The following DGKB variants were observed in gnomAD, a reference collection of about 807,000 sequenced individuals.
DGKB encodes 90 kDa diacylglycerol kinase.
Under a neutral mutation model 114.3 loss-of-function variants are expected in DGKB, and 67 were observed. The ratio of observed to expected loss-of-function variants is 0.59; its 90% confidence interval spans 0.48 to 0.72. The LOEUF (loss-of-function observed/expected upper bound fraction) is 0.72, where lower values mean the gene tolerates loss of function less well. Among genes scored for constraint, DGKB ranks in the 30% least tolerant of loss-of-function variants. The pLI, the probability that DGKB is intolerant of heterozygous loss-of-function variation, is 0.00. For synonymous variants in DGKB, 398 were observed against 323.1 expected (o/e 1.23, Z -2.49); for missense variants, 907 against 975.2 (o/e 0.93, Z 0.93).
intron 1 of DGKB, among the ~76,000 whole-genome samples, chr7:14,919,095 A>AAACACACACACACACACAC (rs1784392701): frequency 1.8e-4 from 21 of 114,968 alleles, no homozygotes; most frequent in African/African-American, 6.8e-4. Flanking sequence ...CACACACACA[A>AAACACACACACACACACAC]ACACACACAC....
intron 2 of DGKB, among the ~76,000 whole-genome samples, chr7:14,775,237 C>G (rs1002152599): frequency 2.0e-5 from 3 of 151,484 alleles, no homozygotes; most frequent in African/African-American, 7.3e-5. Flanking sequence ...TTCATACTAT[C>G]AACAGTATTG....
Position 14,299,880 on chromosome 7 carries a change from A to T in DGKB, c.2122+38635T>A, listed in dbSNP as rs542746355. The stretch of plus-strand genomic sequence containing the variant: ...GGTATTATTTCTCTGAAAGTTATTC[A>T]GCAAAAAAAAACCTTTAAAGTAAAG... On this transcript the variant is annotated intron_variant, in intron 23 of 25. Coordinates refer to ENST00000402815, the MANE Select transcript of DGKB (RefSeq NM_001350709.2). 2.0e-5 allele frequency among the ~76,000 whole-genome samples: 3 copies of T among 151,954 alleles called. No individual in the cohort carries two copies. The South Asian group carries it at 6.2e-4, about 32-fold the overall frequency.
At chr7:14,747,030 A>C (rs552563177) in intron 4 of DGKB, among the ~76,000 whole-genome samples, 1 of 152,256 alleles carries the variant, frequency 6.6e-6, no homozygotes, top group Admixed American at 6.5e-5. Flanking sequence ...TTCTTAAATT[A>C]TTTCTACAAG....
intron 4 of DGKB, among the ~76,000 whole-genome samples, chr7:14,742,796 G>A (rs1465075036): frequency 6.6e-6 from 1 of 152,162 alleles, no homozygotes; most frequent in South Asian, 2.1e-4. Context: ...AGATTGACAT[G>A]CAAGGTGTGT....
intron 23 of DGKB, among the ~76,000 whole-genome samples, chr7:14,180,771 A>T (rs1782520591): frequency 1.3e-5 from 2 of 152,152 alleles, no homozygotes; most frequent in South Asian, 4.1e-4. Context: ...TTGATTTCAG[A>T]CAGAGAGAGT....
At chr7:14,689,911 A>C (rs1244205483) in intron 9 of DGKB, among the ~76,000 whole-genome samples, 5 of 152,200 alleles carry the variant, frequency 3.3e-5, no homozygotes, top group Non-Finnish European at 7.4e-5. Context: ...AATGTGTCTT[A>C]AACAATCTCA....
At chr7:14,683,629 G>A (rs1003469262) in intron 10 of DGKB, among the ~76,000 whole-genome samples, 1 of 151,880 alleles carries the variant, frequency 6.6e-6, no homozygotes, top group Non-Finnish European at 1.5e-5. Context: ...TCCAGATTAA[G>A]GGTTCTAAAT....
chr7:14,618,362 T>C (rs1225633881), intron 15 of DGKB, among the ~76,000 whole-genome samples: 2 of 151,646 alleles, frequency 1.3e-5, no homozygotes, highest in African/African-American at 4.8e-5. Context: ...GGTCCCCCTT[T>C]CTTTCTCGTG....
intron 9 of DGKB, among the ~76,000 whole-genome samples, chr7:14,688,156 A>T (rs1193380352): frequency 6.6e-6 from 1 of 151,696 alleles, no homozygotes; most frequent in African/African-American, 2.4e-5. Flanking sequence ...TTAATGGGGG[A>T]GGGAAAGAAT....
chr7:14,872,313 G>A (rs1016885898), intron 1 of DGKB, among the ~76,000 whole-genome samples: 1 of 152,108 alleles, frequency 6.6e-6, no homozygotes, highest in South Asian at 2.1e-4. Flanking sequence ...ACAAATAAAT[G>A]ATTAAAACAT....
At chr7:14,912,090 G>A (rs951058562) in intron 1 of DGKB, among the ~76,000 whole-genome samples, 1 of 152,030 alleles carries the variant, frequency 6.6e-6, no homozygotes, top group Non-Finnish European at 1.5e-5. Flanking sequence ...CAATTTTATT[G>A]GAATATAAAT....
intron 5 of DGKB, among the ~76,000 whole-genome samples, chr7:14,719,216 A>C (rs1828744902): frequency 1.3e-5 from 2 of 152,226 alleles, no homozygotes; most frequent in Admixed American, 1.3e-4. Context: ...GGACTTGCCC[A>C]GGAGTAAGAA....
At chr7:14,891,416 C>A (rs1462760226) in intron 1 of DGKB, among the ~76,000 whole-genome samples, 1 of 151,264 alleles carries the variant, frequency 6.6e-6, no homozygotes, top group African/African-American at 2.4e-5. Flanking sequence ...ATGTTCAAAC[C>A]ACTGGAAAAA....
At chr7:14,334,803 G>C (rs1014992201) in intron 23 of DGKB, among the ~76,000 whole-genome samples, 97 of 152,076 alleles carry the variant, frequency 6.4e-4, no homozygotes, top group Non-Finnish European at 1.3e-3. Flanking sequence ...AGGAAAAGAT[G>C]AACTCAGCTA....
intron 2 of DGKB, among the ~76,000 whole-genome samples, chr7:14,818,724 C>T (rs1435704825): frequency 6.6e-6 from 1 of 152,106 alleles, no homozygotes; most frequent in Non-Finnish European, 1.5e-5. Flanking sequence ...TTGTGAAATG[C>T]AAGTTTTCTA....
intron 23 of DGKB, among the ~76,000 whole-genome samples, chr7:14,198,608 G>C (rs1167776984): frequency 1.3e-5 from 2 of 152,104 alleles, no homozygotes; most frequent in Non-Finnish European, 2.9e-5. Context: ...TCTCTTCCCA[G>C]CTGCCAAACT....
At chr7:14,802,932 T>C (rs1436412559) in intron 2 of DGKB, among the ~76,000 whole-genome samples, 1 of 151,594 alleles carries the variant, frequency 6.6e-6, no homozygotes, top group Non-Finnish European at 1.5e-5. Context: ...CAAAAACTTA[T>C]CTCACTCATA....
intron 5 of DGKB, 64 bp from the exon 6 acceptor site, chr7:14,718,749 T>G: frequency 1.6e-6 from 2 of 1,255,136 alleles, no homozygotes; most frequent in Non-Finnish European, 2.2e-6. Flanking sequence ...AGAAAACAAA[T>G]TAAGAAAATA....
intron 23 of DGKB, among the ~76,000 whole-genome samples, chr7:14,236,380 AAATT>A (rs1297636418): frequency 6.6e-6 from 1 of 151,190 alleles, no homozygotes; most frequent in Admixed American, 6.6e-5. Context: ...AAAAAAAGGA[AAATT>A]AATAGCAAAG....
Sources: allele counts gnomAD v4.1 joint callset (sites outside exome capture counted in the v4.1 genomes callset), GRCh38; gene constraint gnomAD v4.1.1; transcripts MANE v1.5; gene names NCBI Gene and HGNC (gene_info 2026-07-23, HGNC 2026-07-21).